The following ARB2A variants were observed in gnomAD, a reference collection of about 807,000 sequenced individuals.
The protein encoded by ARB2A is ARB2 cotranscriptional regulator A, also known as cotranscriptional regulator ARB2A.
the ARB2A span, among the ~76,000 whole-genome samples, chr5:93,753,746 G>A: frequency 6.6e-6 from 1 of 152,206 alleles, no homozygotes; most frequent in Non-Finnish European, 1.5e-5. Flanking sequence ...TAACAGAAAT[G>A]CCTGTCTAAG....
the ARB2A span, among the ~76,000 whole-genome samples, chr5:93,711,543 C>A: frequency 6.6e-6 from 1 of 152,126 alleles, no homozygotes; most frequent in African/African-American, 2.4e-5. Flanking sequence ...CCGAAGATGG[C>A]AAGTGAAGAA....
the ARB2A span, among the ~76,000 whole-genome samples, chr5:93,725,757 C>T: frequency 1.6e-4 from 24 of 152,160 alleles, no homozygotes; most frequent in African/African-American, 5.8e-4. Context: ...ATTAGCAGCT[C>T]TCCCTTAAAA....
the ARB2A span, among the ~76,000 whole-genome samples, chr5:93,985,629 T>C: frequency 6.6e-6 from 1 of 152,216 alleles, no homozygotes; most frequent in African/African-American, 2.4e-5. Flanking sequence ...TTCGCCCTGT[T>C]GGCCGGGCTG....
At chr5:93,789,138 A>C in the ARB2A span, among the ~76,000 whole-genome samples, 11 of 152,370 alleles carry the variant, frequency 7.2e-5, no homozygotes, top group Non-Finnish European at 1.5e-4. Context: ...AAAGTCTTCT[A>C]TCAGCAAAAG....
chr5:93,648,302 G>A, the ARB2A span, among the ~76,000 whole-genome samples: 1 of 151,808 alleles, frequency 6.6e-6, no homozygotes, highest in Non-Finnish European at 1.5e-5. Context: ...TAAGTTTTAT[G>A]ACATTTTAAG....
the ARB2A span, among the ~76,000 whole-genome samples, chr5:93,886,779 GT>G: frequency 6.6e-6 from 1 of 151,632 alleles, no homozygotes; most frequent in Non-Finnish European, 1.5e-5. Context: ...ACTTGACTCC[GT>G]TTTGTGTTTC....
chr5:93,764,894 G>A, the ARB2A span, among the ~76,000 whole-genome samples: 22 of 152,092 alleles, frequency 1.4e-4, no homozygotes, highest in African/African-American at 3.6e-4. Context: ...TTCAACATAC[G>A]TAAATCAATA....
the ARB2A span, among the ~76,000 whole-genome samples, chr5:94,011,242 T>C: frequency 1.3e-5 from 2 of 152,216 alleles, no homozygotes; most frequent in African/African-American, 2.4e-5. Flanking sequence ...TTCTTAATGA[T>C]GAAGTGCTCC....
At chr5:93,774,863 A>G in the ARB2A span, among the ~76,000 whole-genome samples, 1 of 152,240 alleles carries the variant, frequency 6.6e-6, no homozygotes, top group East Asian at 1.9e-4. Context: ...ATTGGCTGAC[A>G]AAAATGTGAC....
the ARB2A span, among the ~76,000 whole-genome samples, chr5:94,087,013 T>C: frequency 2.0e-4 from 31 of 152,338 alleles, no homozygotes; most frequent in East Asian, 5.8e-3. Context: ...TATGCGTTGC[T>C]GGCCTGAAGA....
chr5:93,795,423 C>T, the ARB2A span, among the ~76,000 whole-genome samples: 373 of 152,286 alleles, frequency 2.4e-3, 1 homozygote, highest in African/African-American at 8.6e-3. Context: ...TTTTCAGCAT[C>T]TCAGGGAGCC....
At chr5:94,009,549 T>C in the ARB2A span, among the ~76,000 whole-genome samples, 1 of 152,064 alleles carries the variant, frequency 6.6e-6, no homozygotes, top group Non-Finnish European at 1.5e-5. Context: ...CATTATTTTT[T>C]CTCATATTAA....
At chr5:93,780,266 T>C in the ARB2A span, among the ~76,000 whole-genome samples, 1 of 152,270 alleles carries the variant, frequency 6.6e-6, no homozygotes, top group African/African-American at 2.4e-5. Context: ...TCACAACTAT[T>C]ATGTAGAGCC....
chr5:93,747,021 A>C, the ARB2A span, among the ~76,000 whole-genome samples: 1 of 152,180 alleles, frequency 6.6e-6, no homozygotes, highest in African/African-American at 2.4e-5. Flanking sequence ...GTCAGGGTGC[A>C]GTCACTATGT....
chr5:93,699,004 A>G, the ARB2A span, among the ~76,000 whole-genome samples: 3 of 152,234 alleles, frequency 2.0e-5, no homozygotes, highest in African/African-American at 7.2e-5. Context: ...TGCTCCCAAC[A>G]GCACAGTTAT....
the ARB2A span, among the ~76,000 whole-genome samples, chr5:93,857,946 G>A: frequency 6.6e-6 from 1 of 152,094 alleles, no homozygotes; most frequent in Non-Finnish European, 1.5e-5. Flanking sequence ...CACATTACAT[G>A]TATTTTATAA....
chr5:94,039,976 AG>A, the ARB2A span, among the ~76,000 whole-genome samples: 1 of 152,168 alleles, frequency 6.6e-6, no homozygotes, highest in Non-Finnish European at 1.5e-5. Flanking sequence ...ATTGGGTTAG[AG>A]GCCCAACTTA....
the ARB2A span, among the ~76,000 whole-genome samples, chr5:93,929,272 C>T: frequency 6.6e-6 from 1 of 152,070 alleles, no homozygotes; most frequent in Admixed American, 6.6e-5. Flanking sequence ...CAAGAGGTCC[C>T]AGTTTCCTGA....
chr5:93,949,790 C>T, the ARB2A span, among the ~76,000 whole-genome samples: 3 of 152,140 alleles, frequency 2.0e-5, no homozygotes, highest in African/African-American at 7.2e-5. Flanking sequence ...CCCTCCCCTA[C>T]AACCCATTAT....
Sources: allele counts gnomAD v4.1 joint callset (sites outside exome capture counted in the v4.1 genomes callset), GRCh38; gene constraint gnomAD v4.1.1; transcripts MANE v1.5; gene names NCBI Gene and HGNC (gene_info 2026-07-23, HGNC 2026-07-21).